Variants in WWC1 observed in about 807,000 individuals in gnomAD.
The protein encoded by WWC1 is WW and C2 domain containing 1, also known as protein KIBRA.
Under a neutral mutation model 138.4 loss-of-function variants are expected in WWC1, and 55 were observed. That is an observed-to-expected ratio of 0.40 (90% CI 0.32 to 0.50). The LOEUF is 0.50. WWC1 is among the 20% of genes least tolerant of loss of function. WWC1 has a pLI of 0.72. For missense variants in WWC1, 1,226 were observed against 1,420.4 expected, an observed-to-expected ratio of 0.86 and a Z score of 2.20; for synonymous variants, 524 against 564.9, an observed-to-expected ratio of 0.93 and a Z score of 1.03.
intron 3 of WWC1, among the ~76,000 whole-genome samples, chr5:168,387,587 A>G (rs61323518): frequency 0.014 from 2,099 of 152,264 alleles, 52 homozygotes; most frequent in African/African-American, 0.047. Context: ...TAGAGCCTGG[A>G]CGTCTGAGAT....
chr5:168,404,887 C>CTT (rs34102475), intron 5 of WWC1, among the ~76,000 whole-genome samples: 3 of 140,688 alleles, frequency 2.1e-5, no homozygotes, highest in Admixed American at 7.1e-5. Context: ...TGTCAGGACA[C>CTT]TTTTTTTTTT....
chr5:168,351,004 G>A (rs937363421), intron 1 of WWC1, among the ~76,000 whole-genome samples: 6 of 152,168 alleles, frequency 3.9e-5, no homozygotes, highest in Middle Eastern at 3.4e-3. Flanking sequence ...AAAATTAGCC[G>A]GGCGTGGTGG....
intron 21 of WWC1, among the ~76,000 whole-genome samples, chr5:168,465,571 T>TTTTTTTTTTTTTG (rs1757210291): frequency 7.1e-6 from 1 of 141,188 alleles, no homozygotes; most frequent in Admixed American, 7.1e-5. Context: ...TTTTTTTTTT[T>TTTTTTTTTTTTTG]TTTTTGGAGA....
intron 1 of WWC1, among the ~76,000 whole-genome samples, chr5:168,331,610 A>C (rs566617252): frequency 6.6e-6 from 1 of 152,204 alleles, no homozygotes; most frequent in African/African-American, 2.4e-5. Context: ...ACTCTTATCA[A>C]TGCTGTTGGC....
intron 21 of WWC1, 70 bp downstream of exon 21, chr5:168,465,032 G>A (rs1757141305): frequency 1.5e-5 from 24 of 1,553,074 alleles, no homozygotes; most frequent in Non-Finnish European, 2.0e-5. Context: ...CTGCCCCGGG[G>A]AAGAGAGGCC....
At chr5:168,395,237 T>C (rs1398118746) in intron 3 of WWC1, among the ~76,000 whole-genome samples, 2 of 152,200 alleles carry the variant, frequency 1.3e-5, no homozygotes, top group Admixed American at 6.5e-5. Context: ...TACAGACCCA[T>C]GTCCAGAGGC....
rs561291401 is a variant in WWC1 at position 168,445,609 on chromosome 5, G to A, written c.2525+1024G>A. ...ACAGCTACTTAGGAGGCTGAGGTGG[G>A]GACAATTGCTTGAACCCAGGAGGCA... is the stretch of plus-strand genomic sequence containing the variant. On this transcript the variant is annotated intron_variant, in intron 17 of 22. Coordinates refer to ENST00000265293, the MANE Select transcript of WWC1 (RefSeq NM_015238.3). Among the ~76,000 whole-genome samples, 587 of 150,630 alleles carry A rather than the reference G, an allele frequency of 3.9e-3. 3 individuals are homozygous for A. Among genetic ancestry groups the A allele is most frequent in the African/African-American group, 0.014 (569 of 40,932 alleles).
At chr5:168,403,184 G>A (rs1243160608) in intron 5 of WWC1, among the ~76,000 whole-genome samples, 3 of 151,652 alleles carry the variant, frequency 2.0e-5, no homozygotes, top group East Asian at 1.9e-4. Flanking sequence ...TGCAACCTCC[G>A]CCTCCCAGGT....
At chr5:168,388,289 G>GT (rs144060397) in intron 3 of WWC1, among the ~76,000 whole-genome samples, 39,631 of 149,892 alleles carry the variant, frequency 0.26, 5,329 homozygotes, top group South Asian at 0.42. Context: ...ATTAGACTAG[G>GT]TTTTTTTTTT....
intron 17 of WWC1, 94 bp downstream of exon 17, chr5:168,444,679 G>A: frequency 3.6e-6 from 5 of 1,384,158 alleles, no homozygotes; most frequent in Non-Finnish European, 5.0e-6. Context: ...TAAGAGAAGG[G>A]TTCCACTGGG....
At chr5:168,356,078 G>C (rs1333348031) in intron 1 of WWC1, among the ~76,000 whole-genome samples, 1 of 152,204 alleles carries the variant, frequency 6.6e-6, no homozygotes, top group African/African-American at 2.4e-5. Flanking sequence ...ATGGGGATCG[G>C]TTCTCCCATC....
At chr5:168,299,795 G>T (rs139054645) in intron 1 of WWC1, among the ~76,000 whole-genome samples, 40 of 152,356 alleles carry the variant, frequency 2.6e-4, no homozygotes, top group Middle Eastern at 3.4e-3. Context: ...TTGCTGCACG[G>T]TTCCCTCAGT....
chr5:168,361,716 A>G (rs1272231309), intron 1 of WWC1, among the ~76,000 whole-genome samples: 1 of 152,162 alleles, frequency 6.6e-6, no homozygotes, highest in Admixed American at 6.6e-5. Flanking sequence ...TGGTAAAGAA[A>G]GGGAGTTGTT....
chr5:168,468,478 CAT>C (rs953131634), intron 22 of WWC1, among the ~76,000 whole-genome samples: 8 of 151,028 alleles, frequency 5.3e-5, no homozygotes, highest in Non-Finnish European at 8.8e-5. Flanking sequence ...ACAAGGTACA[CAT>C]GTTTGTGTAT....
intron 5 of WWC1, among the ~76,000 whole-genome samples, chr5:168,401,595 C>A (rs1277771312): frequency 6.6e-6 from 1 of 152,222 alleles, no homozygotes; most frequent in Non-Finnish European, 1.5e-5. Flanking sequence ...GTGAGCCACA[C>A]AAATTCAGCA....
At chr5:168,408,481 A>G (rs745425767) in intron 6 of WWC1, 26 bp from the exon 7 acceptor site, 32 of 1,612,506 alleles carry the variant, frequency 2.0e-5, no homozygotes, top group Non-Finnish European at 2.5e-5. Context: ...AAGGCGCATC[A>G]CTAACCCTGC....
At chr5:168,407,499 A>G (rs1779885514) in intron 6 of WWC1, among the ~76,000 whole-genome samples, 1 of 152,214 alleles carries the variant, frequency 6.6e-6, no homozygotes, top group South Asian at 2.1e-4. Flanking sequence ...TTAGTGAAGG[A>G]AGCTGTATGC....
At chr5:168,461,786 G>A (rs1271194465) in intron 20 of WWC1, among the ~76,000 whole-genome samples, 10 of 152,138 alleles carry the variant, frequency 6.6e-5, no homozygotes, top group East Asian at 1.9e-4. Flanking sequence ...GGGGCCAGGC[G>A]TGGTGGCTCA....
intron 3 of WWC1, among the ~76,000 whole-genome samples, chr5:168,396,090 T>C (rs1416799884): frequency 4.0e-5 from 6 of 151,370 alleles, no homozygotes; most frequent in African/African-American, 1.5e-4. Flanking sequence ...CATTAAAGAG[T>C]GTTCAGATGA....
Sources: gnomAD v4.1 joint callset for allele counts (sites outside exome capture counted in the v4.1 genomes callset) on GRCh38, gnomAD v4.1.1 for gene constraint, MANE v1.5 for transcripts, NCBI Gene and HGNC (gene_info 2026-07-23, HGNC 2026-07-21) for gene names.